EIF2AK2: variants seen among roughly 807,000 people sequenced by gnomAD.
EIF2AK2 encodes interferon-induced, double-stranded RNA-activated protein kinase.
A neutral mutation model predicts 70.5 loss-of-function variants in EIF2AK2; 40 were observed. That is an observed-to-expected ratio of 0.57 (90% confidence interval 0.44 to 0.74). The LOEUF (loss-of-function observed/expected upper bound fraction) is 0.74. EIF2AK2 is among the 30% of genes least tolerant of loss of function. EIF2AK2 has a pLI of 0.00. For missense variants in EIF2AK2, 555 were observed against 644.3 expected (o/e 0.86, Z 1.50); for synonymous variants, 198 against 220.9 (o/e 0.90, Z 0.92).
intron 10 of EIF2AK2, among the ~76,000 whole-genome samples, chr2:37,131,171 C>A (rs1341725021): frequency 1.3e-5 from 2 of 152,150 alleles, no homozygotes; most frequent in African/African-American, 4.8e-5. Flanking sequence ...TACCCCAGAC[C>A]TTTATCATGC....
intron 10 of EIF2AK2, among the ~76,000 whole-genome samples, chr2:37,128,457 A>G (rs1255304946): frequency 6.6e-6 from 1 of 152,108 alleles, no homozygotes; most frequent in Non-Finnish European, 1.5e-5. Context: ...AATCCACATA[A>G]GCATCACAAA....
intron 1 of EIF2AK2, among the ~76,000 whole-genome samples, chr2:37,155,604 T>C (rs1358788589): frequency 1.3e-5 from 2 of 152,138 alleles, no homozygotes; most frequent in South Asian, 2.1e-4. Context: ...GTGAGCTCTT[T>C]GGGGAGCAGA....
At chr2:37,134,841 C>T (rs947084174) in intron 10 of EIF2AK2, among the ~76,000 whole-genome samples, 1 of 152,206 alleles carries the variant, frequency 6.6e-6, no homozygotes, top group African/African-American at 2.4e-5. Context: ...ATCTTTCTCC[C>T]TCCATTGGAC....
intron 12 of EIF2AK2, among the ~76,000 whole-genome samples, chr2:37,121,687 T>C (rs953402808): frequency 4.0e-5 from 6 of 151,546 alleles, no homozygotes; most frequent in Non-Finnish European, 8.8e-5. Flanking sequence ...TCAATATTCA[T>C]TTATATTCTT....
intron 14 of EIF2AK2, among the ~76,000 whole-genome samples, chr2:37,113,201 T>C (rs1035179454): frequency 6.6e-6 from 1 of 152,012 alleles, no homozygotes. Context: ...ATATGACAAT[T>C]TAAAAGCTGC....
intron 14 of EIF2AK2, among the ~76,000 whole-genome samples, chr2:37,110,434 CATA>C (rs1057085525): frequency 1.3e-5 from 2 of 151,958 alleles, no homozygotes; most frequent in African/African-American, 4.8e-5. Context: ...ACCACACACA[CATA>C]ATAAAAAGTA....
chr2:37,129,034 C>A (rs1674849073), intron 10 of EIF2AK2, among the ~76,000 whole-genome samples: 1 of 152,020 alleles, frequency 6.6e-6, no homozygotes, highest in Admixed American at 6.6e-5. Flanking sequence ...TTCTCTACCT[C>A]CAATTTATTT....
Position 37,107,389 on chromosome 2 carries a change from G to C in EIF2AK2, c.1540C>G (p.Leu514Val). Residue 514 changes from leucine to valine, a missense_variant, in exon 17 of 17, where the codon CTT becomes GTT. Coordinates refer to ENST00000233057, the MANE Select transcript of EIF2AK2 (RefSeq NM_001135651.3). ...SDIFDKKEKT[L>V]LQKLLSKKPE... Reference sequence around the variant, plus strand: ...TTCTTTGAGAGTAATTTCTGTAGAAGAGTTTTCTGCAATGACAGTGAGAGT... The same window carrying C: ...TTCTTTGAGAGTAATTTCTGTAGAACAGTTTTCTGCAATGACAGTGAGAGT... The C allele has an allele frequency of 1.2e-6, 2 of 1,613,570 alleles. No individual in the cohort carries two copies. Among genetic ancestry groups the C allele is most frequent in the Non-Finnish European group, 1.7e-6 (2 of 1,179,906 alleles).
chr2:37,107,239 C>T lies in EIF2AK2; in HGVS notation c.*34G>A, dbSNP rs753678802. 1.9e-6 allele frequency: 3 copies of T among 1,595,090 alleles called. No homozygotes were observed. The highest frequency in any genetic ancestry group is 2.2e-5 in the East Asian group (1 of 44,654). On this transcript the variant is annotated 3_prime_UTR_variant, in exon 17 of 17. Transcript: ENST00000233057. ...ATTTTAGATAATTTAAGGAAAACTG[C>T]ATATCAGAAGCAGGATACTTTTTCA...
chr2:37,145,909 C>G (rs1039269916), intron 4 of EIF2AK2, among the ~76,000 whole-genome samples: 1 of 151,490 alleles, frequency 6.6e-6, no homozygotes, highest in African/African-American at 2.4e-5. Context: ...TCCACCACCA[C>G]GCCCAGCTAA....
At position 37,126,348 on chromosome 2, in the gene EIF2AK2, T is replaced by G; in HGVS notation, c.849A>C (p.Lys283Asn). The G allele has an allele frequency of 1.2e-6, 2 of 1,612,958 alleles. No individual in the cohort carries two copies. Among genetic ancestry groups the G allele is most frequent in the Non-Finnish European group, 1.7e-6 (2 of 1,179,562 alleles). Reference sequence around the variant, plus strand: ...TCTTTCCGTCAATTCTGTGTTTTGCTTTGAAAACTTGGCCAAATCCACCTG... The same window carrying G: ...TCTTTCCGTCAATTCTGTGTTTTGCGTTGAAAACTTGGCCAAATCCACCTG... ...IGSGGFGQVFKAKHRIDGKTY... is the reference protein window; with the variant it reads ...IGSGGFGQVFNAKHRIDGKTY... The change falls in exon 11 of 17, where the codon AAA becomes AAC. Residue 283 changes from lysine to asparagine, a missense_variant. Lys to Asn is a moderately conservative substitution (Grantham distance 94). Around this residue, in one of 3 missense-constraint regions of EIF2AK2, gnomAD observed 299 missense variants for 375.4 expected, o/e 0.80. Coordinates refer to ENST00000233057, the MANE Select transcript of EIF2AK2 (RefSeq NM_001135651.3).
rs1277181236 is a variant in EIF2AK2, at chr2:37,106,392, A to G, written c.*881T>C. 1.3e-5 allele frequency: 2 copies of G among 151,974 alleles called. No homozygotes were observed. The highest frequency in any genetic ancestry group is 4.8e-5 in the African/African-American group (2 of 41,362). 9.4% of individuals were successfully genotyped at this position (151,974 alleles called of 1,614,324 possible). A position where few individuals can be genotyped will look rare whatever the true frequency, so the allele number is the denominator to read the frequency against. ...TGTGTGAATATAATTTTTTTAATCC[A>G]TTCTTCTTTTGATGTGCATTATGGT... On this transcript the variant is annotated 3_prime_UTR_variant, in exon 17 of 17. Transcript: ENST00000233057.
rs149068036 is a variant in EIF2AK2, at chr2:37,100,096, A to G, written c.*7177T>C. 26 of 152,288 alleles carry G rather than the reference A, an allele frequency of 1.7e-4. No individual in the cohort carries two copies. The highest frequency in any genetic ancestry group is 6.0e-4 in the African/African-American group (25 of 41,562). The allele number at this position is 152,288 out of a possible 1,614,324, so 9.4% of individuals were successfully genotyped here. ...ACTGAATTGTATACTGTATAGGTGA[A>G]TTGTATGGCATGTGAATTATATCTC... On this transcript the variant is annotated 3_prime_UTR_variant, in exon 17 of 17. Coordinates refer to ENST00000233057, the MANE Select transcript of EIF2AK2 (RefSeq NM_001135651.3).
intron 3 of EIF2AK2, 104 bp from the exon 4 acceptor site, chr2:37,147,077 G>A (rs1001025394): frequency 1.0e-4 from 113 of 1,097,598 alleles, no homozygotes; most frequent in Non-Finnish European, 1.3e-4. Context: ...TTGAGGGTTT[G>A]AACCTACATT....
intron 10 of EIF2AK2, among the ~76,000 whole-genome samples, chr2:37,133,013 T>A (rs1275443148): frequency 6.6e-6 from 1 of 152,170 alleles, no homozygotes; most frequent in African/African-American, 2.4e-5. Context: ...TTCAATCTGA[T>A]AATGGTCCTG....
In EIF2AK2 at chr2:37,103,653, C is replaced by A. The variant is rs866029228; in HGVS notation, c.*3620G>T. On this transcript the variant is annotated 3_prime_UTR_variant, in exon 17 of 17. Transcript: ENST00000233057. ...CTCTCTACGCAGAACATTTCCAAATCTACAGAAAAGTTCAAAGAATAATAC... is the reference window on the plus strand; with the variant it reads ...CTCTCTACGCAGAACATTTCCAAATATACAGAAAAGTTCAAAGAATAATAC... 1 of 152,126 alleles carries A rather than the reference C, an allele frequency of 6.6e-6. No individual in the cohort carries two copies. The highest frequency in any genetic ancestry group is 1.5e-5 in the Non-Finnish European group (1 of 68,022). 9.4% of individuals were successfully genotyped at this position (152,126 alleles called of 1,614,324 possible). A position where few individuals can be genotyped will look rare whatever the true frequency, so the allele number is the denominator to read the frequency against.
Position 37,138,330 on chromosome 2 carries a change from T to C in EIF2AK2, c.627A>G (p.Ser209=). The C allele has an allele frequency of 6.2e-7, 1 of 1,613,972 alleles. No individual in the cohort carries two copies. Among genetic ancestry groups the C allele is most frequent in the Non-Finnish European group, 8.5e-7 (1 of 1,179,944 alleles). Residue 209 remains serine (S), a synonymous_variant, in exon 8 of 17, where the codon TCA becomes TCG. Coordinates refer to ENST00000233057, the MANE Select transcript of EIF2AK2 (RefSeq NM_001135651.3). ...ASESSSEGDF[S]ADTSEINSNS... Reference sequence around the variant, plus strand: ...TAGAATTTATCTCTGATGTATCTGCTGAGAAGTCACCTTCAGATGATGATT... The same window carrying C: ...TAGAATTTATCTCTGATGTATCTGCCGAGAAGTCACCTTCAGATGATGATT...
chr2:37,123,158 ACT>A (rs1319291721), intron 11 of EIF2AK2, among the ~76,000 whole-genome samples: 4 of 151,864 alleles, frequency 2.6e-5, no homozygotes, highest in African/African-American at 7.3e-5. Context: ...AAAGAGCAAG[ACT>A]CTGTCTCAAA....
At chr2:37,152,597 C>T (rs1675784969) in intron 1 of EIF2AK2, among the ~76,000 whole-genome samples, 1 of 152,190 alleles carries the variant, frequency 6.6e-6, no homozygotes, top group Admixed American at 6.5e-5. Context: ...CTCTTTTTAA[C>T]ACACCTTAAT....
Sources: gnomAD v4.1 joint callset for allele counts (sites outside exome capture counted in the v4.1 genomes callset) on GRCh38, gnomAD v4.1.1 for gene constraint, gnomAD v4.1.1 regional missense constraint, MANE v1.5 for transcripts, NCBI Gene and HGNC (gene_info 2026-07-23, HGNC 2026-07-21) for gene names.